Variants in CHRNE observed in about 807,000 individuals in gnomAD.
CHRNE encodes the protein acetylcholine receptor subunit epsilon.
CHRNE carries 58 observed loss-of-function variants against 56.5 expected under a neutral mutation model. The ratio of observed to expected loss-of-function variants is 1.03; its 90% CI spans 0.83 to 1.28. The LOEUF is 1.28. Among genes scored for constraint, CHRNE ranks in the 50% most tolerant of loss-of-function variants. CHRNE has a pLI of 0.00. For synonymous variants in CHRNE, 385 were observed against 297.9 expected, an observed-to-expected ratio of 1.29 and a Z score of -3.01; for missense variants, 793 against 688.9, an observed-to-expected ratio of 1.15 and a Z score of -1.69.
At chr17:4,904,924 G>T (rs143909795), upstream of CHRNE, among the ~76,000 whole-genome samples, 48 of 152,258 alleles carry the variant, frequency 3.2e-4, no homozygotes, top group African/African-American at 1.1e-3. Context: ...CCCTTTCTGG[G>T]TCTCTTTGAC....
chr17:4,902,088 C>G lies in CHRNE; in HGVS notation c.345-1G>C. 6.2e-7 allele frequency: 1 copy of G among 1,614,048 alleles called. No homozygotes were observed. The highest frequency in any genetic ancestry group is 8.5e-7 in the Non-Finnish European group (1 of 1,179,996). ...GGCCACTCCGAACTGGCCATCAATACTGTGGGCTCGGGGAAACCGAGCTTT... is the reference window on the plus strand; with the variant it reads ...GGCCACTCCGAACTGGCCATCAATAGTGTGGGCTCGGGGAAACCGAGCTTT... On this transcript the variant is annotated splice_acceptor_variant, in intron 4 of 11. Coordinates refer to ENST00000649488, the MANE Select transcript of CHRNE (RefSeq NM_000080.4). LOFTEE classifies it high-confidence loss of function. This position sits in a 1 kb window ranked among gnomAD's most constrained non-coding sequence, Gnocchi z 4.0.
At chr17:4,900,583 A>G in intron 8 of CHRNE, 1 of 1,547,728 alleles carries the variant, frequency 6.5e-7, no homozygotes, top group Non-Finnish European at 8.7e-7. Flanking sequence ...CTGTCCCCCA[A>G]GAGAGCTACT....
At position 4,899,813 on chromosome 17, in the gene CHRNE, C is replaced by T. The variant is rs745578004; in HGVS notation, c.918-231G>A. The T allele has an allele frequency of 2.6e-6, 4 of 1,551,240 alleles. No homozygotes were observed. The South Asian group carries it at 4.8e-5, about 18-fold the overall frequency. On this transcript the variant is annotated intron_variant, in intron 8 of 11. Coordinates refer to ENST00000649488, the MANE Select transcript of CHRNE (RefSeq NM_000080.4). ...ACACCCTGATGTGGATCTACCACTT[C>T]CACAGCTCCACCGAGGTGAGGCTAC...
upstream of CHRNE, among the ~76,000 whole-genome samples, chr17:4,904,786 A>G (rs1198923225): frequency 1.3e-5 from 2 of 152,172 alleles, no homozygotes; most frequent in African/African-American, 4.8e-5. Flanking sequence ...GGTAGGTCAT[A>G]ATCACCTCCA....
In CHRNE at chr17:4,902,267, C is replaced by T; in HGVS notation, c.294G>A (p.Leu98=). 1 of 1,614,160 alleles carries T rather than the reference C, an allele frequency of 6.2e-7. No individual in the cohort carries two copies. Among genetic ancestry groups the T allele is most frequent in the Non-Finnish European group, 8.5e-7 (1 of 1,180,020 alleles). The change falls in exon 4 of 12, where the codon CTG becomes CTA. Residue 98 remains leucine, a synonymous_variant. Coordinates refer to ENST00000649488, the MANE Select transcript of CHRNE (RefSeq NM_000080.4). This position sits in a 1 kb window ranked among gnomAD's most constrained non-coding sequence, Gnocchi z 4.0. ...SKDDFGGIET[L]RVPSELVWLP... ...GCCACACGAGTTCTGAAGGGACTCG[C>T]AGGGTTTCTATACCCCCAAAGTCGT... is the stretch of plus-strand genomic sequence containing the variant.
chr17:4,901,987 C>A lies in CHRNE; in HGVS notation c.445G>T (p.Ala149Ser), dbSNP rs1288673136. ...AAGGGGAAGTAGGTGACCTCCACTG[C>A]GCAGACGCTGCGGTAGATGGCCGGA... ...LPPAIYRSVC[A>S]VEVTYFPFDW... Residue 149 changes from alanine to serine, a missense_variant, in exon 5 of 12, where the codon GCA (alanine) becomes TCA (serine). Physicochemically the swap from Ala to Ser is moderately conservative, Grantham distance 99. Coordinates refer to ENST00000649488, the MANE Select transcript of CHRNE (RefSeq NM_000080.4). 2 of 1,614,114 alleles carry A rather than the reference C, an allele frequency of 1.2e-6. No homozygotes were observed. The highest frequency in any genetic ancestry group is 2.2e-5 in the East Asian group (1 of 44,878).
Position 4,902,558 on chromosome 17 carries a change from G to A in CHRNE, c.189+63C>T. The A allele has an allele frequency of 1.9e-6, 3 of 1,613,832 alleles. No individual in the cohort carries two copies. The highest frequency in any genetic ancestry group is 2.5e-6 in the Non-Finnish European group (3 of 1,179,680). On this transcript the variant is annotated intron_variant, in intron 2 of 11. Coordinates refer to ENST00000649488, the MANE Select transcript of CHRNE (RefSeq NM_000080.4). This position sits in a 1 kb window ranked among gnomAD's most constrained non-coding sequence, Gnocchi z 4.0. The stretch of plus-strand genomic sequence containing the variant: ...AGGGCCAGAAGTGAGCTTTAGGACA[G>A]AGCTCAGCGGTTGGGGCCAGAAGTG...
chr17:4,904,136 C>T (rs938629104), upstream of CHRNE, among the ~76,000 whole-genome samples: 2 of 152,122 alleles, frequency 1.3e-5, no homozygotes, highest in African/African-American at 4.8e-5. Flanking sequence ...GGATTATAGG[C>T]GTGAGCCACC....
In CHRNE at chr17:4,900,575, G is replaced by A. The variant is rs561299262; in HGVS notation, c.917+218C>T. On this transcript the variant is annotated intron_variant, in intron 8 of 11. Coordinates refer to ENST00000649488, the MANE Select transcript of CHRNE (RefSeq NM_000080.4). The stretch of plus-strand genomic sequence containing the variant: ...GGCTAGGGAGGCACTGAGCCGGACT[G>A]TCCCCCAAGAGAGCTACTCGGGAGA... 2.3e-5 allele frequency: 35 copies of A among 1,548,990 alleles called. No individual in the cohort carries two copies. The South Asian group carries it at 2.7e-4, about 12-fold the overall frequency.
rs1969984352 is a variant in CHRNE at position 4,901,539 on chromosome 17, G to A, written c.587C>T (p.Thr196Ile). 1.9e-6 allele frequency: 3 copies of A among 1,614,150 alleles called. No homozygotes were observed. The highest frequency in any genetic ancestry group is 2.5e-6 in the Non-Finnish European group (3 of 1,179,994). The change falls in exon 6 of 12, where the codon ACA (threonine) becomes ATA (isoleucine). Residue 196 changes from threonine to isoleucine, a missense_variant. By Grantham distance (89) the Thr-to-Ile change is moderately conservative (BLOSUM62 -1). Transcript: ENST00000649488. ...AGGGGCTTCACCAGTATAGGCCTCTGTGTCGATGTCGATCTTGTTGATGGT... is the reference window on the plus strand; with the variant it reads ...AGGGGCTTCACCAGTATAGGCCTCTATGTCGATGTCGATCTTGTTGATGGT... ...GKTINKIDID[T>I]EAYTENGEWA... is the part of the protein sequence containing the mutation.
At chr17:4,900,191 A>G in intron 8 of CHRNE, 1 of 1,543,714 alleles carries the variant, frequency 6.5e-7, no homozygotes. Context: ...GGGTAGCGGG[A>G]ACAAGGACCT....
At chr17:4,903,944 G>C (rs369156272), upstream of CHRNE, among the ~76,000 whole-genome samples, 1 of 152,082 alleles carries the variant, frequency 6.6e-6, no homozygotes, top group East Asian at 1.9e-4. Context: ...TGCAACCTCC[G>C]CCTCCCGGGT....
In CHRNE at chr17:4,901,952, C is replaced by G. The variant is rs754300536; in HGVS notation, c.480G>C (p.Gln160His). ...VEVTYFPFDW[Q>H]NCSLIFRSQT... ...CCCACCGGAAAATAAGCGAACAGTT[C>G]TGCCAATCGAAGGGGAAGTAGGTGA... The change falls in exon 5 of 12, where the codon CAG (glutamine) becomes CAC (histidine). Residue 160 changes from glutamine to histidine, a missense_variant. Gln to His is a conservative substitution (Grantham distance 24, BLOSUM62 0). Transcript: ENST00000649488. 1 of 1,568,772 alleles carries G rather than the reference C, an allele frequency of 6.4e-7. No homozygotes were observed. Among genetic ancestry groups the G allele is most frequent in the Non-Finnish European group, 8.7e-7 (1 of 1,152,812 alleles).
Position 4,903,090 on chromosome 17 carries a change from C to G in CHRNE, c.-27G>C. On this transcript the variant is annotated 5_prime_UTR_variant, in exon 1 of 12. Coordinates refer to ENST00000649488, the MANE Select transcript of CHRNE (RefSeq NM_000080.4). ...CTGCTGCGTGGTTCTCAGGGTTATT[C>G]TGAGCTCTGGCAGGCTTGGAGGGGG... is the stretch of plus-strand genomic sequence containing the variant. 1 of 1,613,834 alleles carries G rather than the reference C, an allele frequency of 6.2e-7. No individual in the cohort carries two copies. The highest frequency in any genetic ancestry group is 1.3e-5 in the African/African-American group (1 of 74,974).
At position 4,899,583 on chromosome 17, in the gene CHRNE, C is replaced by T. The variant is rs1407243713; in HGVS notation, c.918-1G>A. On this transcript the variant is annotated splice_acceptor_variant, in intron 8 of 11. Transcript: ENST00000649488. LOFTEE classifies it high-confidence loss of function. The stretch of plus-strand genomic sequence containing the variant: ...GACCACCATGACGAAAATAAGGAAC[C>T]TGAGGAGCCCGGAAGGCATGACATC... 4 of 1,573,604 alleles carry T rather than the reference C, an allele frequency of 2.5e-6. No homozygotes were observed. Among genetic ancestry groups the T allele is most frequent in the Non-Finnish European group, 2.6e-6 (3 of 1,158,780 alleles).
rs998988224 is a variant in CHRNE at position 4,899,339 on chromosome 17, G to A, written c.1078C>T (p.Pro360Ser). 4 of 1,548,226 alleles carry A rather than the reference G, an allele frequency of 2.6e-6. No individual in the cohort carries two copies. The African/African-American group carries it at 5.5e-5, about 21-fold the overall frequency. ...GGCGAGGCGGCCCGGGGGGCCTCGG[G>A]CGGCGGCGGGGAGCCCAGGAGGCGC... ...LPRLLGSPPP[P>S]EAPRAASPPR... Residue 360 changes from proline (P) to serine (S), a missense_variant, in exon 10 of 12, where the codon CCC becomes TCC. Transcript: ENST00000649488.
At chr17:4,900,760 C>G (rs1969953825) in intron 8 of CHRNE, 33 bp downstream of exon 8, 1 of 1,595,316 alleles carries the variant, frequency 6.3e-7, no homozygotes, top group African/African-American at 1.3e-5. Flanking sequence ...ACCCTTCACA[C>G]TGGCCACACC....
At chr17:4,903,757 C>T (rs551293726), upstream of CHRNE, among the ~76,000 whole-genome samples, 1 of 152,306 alleles carries the variant, frequency 6.6e-6, no homozygotes, top group African/African-American at 2.4e-5. Flanking sequence ...CTTGTGGTCA[C>T]AGATGATAGT....
At chr17:4,906,268 C>T (rs1454823962), upstream of CHRNE, among the ~76,000 whole-genome samples, 1 of 152,140 alleles carries the variant, frequency 6.6e-6, no homozygotes, top group Non-Finnish European at 1.5e-5. Context: ...GTGGCAGGCC[C>T]TGACACCACA....
Sources: gnomAD v4.1 joint callset for allele counts (sites outside exome capture counted in the v4.1 genomes callset) on GRCh38, gnomAD v4.1.1 for gene constraint, Gnocchi (gnomAD v3.1) non-coding constraint, MANE v1.5 for transcripts, NCBI Gene and HGNC (gene_info 2026-07-23, HGNC 2026-07-21) for gene names.